Variants in CDK12 observed in about 807,000 individuals in gnomAD.
The protein encoded by CDK12 is cyclin dependent kinase 12, also known as cyclin-dependent kinase 12.
CDK12 carries 17 observed loss-of-function variants against 133.8 expected under a neutral mutation model. That is an observed-to-expected ratio of 0.13 (90% CI 0.09 to 0.19). The LOEUF (loss-of-function observed/expected upper bound fraction) is 0.19, where lower values mean the gene tolerates loss of function less well. Among genes scored for constraint, CDK12 ranks in the 10% least tolerant of loss-of-function variants. The pLI, the probability that CDK12 is intolerant of heterozygous loss-of-function variation, is 1.00. For synonymous variants in CDK12, 694 were observed against 683.6 expected, an observed-to-expected ratio of 1.02 and a Z score of -0.24; for missense variants, 1,508 against 1,818.7, an observed-to-expected ratio of 0.83 and a Z score of 3.11.
upstream of CDK12, chr17:39,547,649 G>C (rs2055778597): frequency 6.6e-6 from 1 of 152,378 alleles, no homozygotes; most frequent in South Asian, 2.1e-4. Flanking sequence ...TTACTGTCTT[G>C]AGCTCAGGTG....
At chr17:39,564,059 T>C (rs573856997) in intron 3 of CDK12, among the ~76,000 whole-genome samples, 3 of 152,324 alleles carry the variant, frequency 2.0e-5, no homozygotes, top group East Asian at 3.9e-4. Context: ...GTACTCGCCC[T>C]TTAGAAAGCA....
intron 3 of CDK12, among the ~76,000 whole-genome samples, chr17:39,562,843 A>C (rs1470540152): frequency 1.8e-5 from 2 of 108,586 alleles, no homozygotes; most frequent in Non-Finnish European, 3.9e-5. Context: ...TTCCTCTCTC[A>C]TTTTTTTCCT....
chr17:39,515,858 A>C, intron 9 of CDK12, 50 bp downstream of exon 9: 33 of 1,191,288 alleles, frequency 2.8e-5, no homozygotes, highest in Non-Finnish European at 3.7e-5. Context: ...AGGTATTCTC[A>C]TCCTCCAGTT....
intron 11 of CDK12, among the ~76,000 whole-genome samples, chr17:39,520,820 C>G (rs2054118252): frequency 1.3e-5 from 2 of 151,942 alleles, no homozygotes; most frequent in Non-Finnish European, 2.9e-5. Flanking sequence ...GCCACCACAC[C>G]CGGCTAATTT....
rs1056634781 is a variant in CDK12 at position 39,476,726 on chromosome 17, T to A, written c.1931+4963T>A. Among the ~76,000 whole-genome samples the A allele has an allele frequency of 5.2e-5, 6 of 116,026 alleles. 1 individual carries two copies. Among genetic ancestry groups the A allele is most frequent in the African/African-American group, 3.4e-5 (1 of 29,498 alleles). The allele number at this position is 116,026 out of a possible 152,430, so 76.1% of individuals were successfully genotyped here. On this transcript the variant is annotated intron_variant, in intron 2 of 13. Coordinates refer to ENST00000447079, the MANE Select transcript of CDK12 (RefSeq NM_016507.4). ...CCATGCCTGCCTTTTTTTTTTTTTT[T>A]TTTTTTTTTTTTTTGAGACAGAGTT...
At chr17:39,482,331 G>T (rs922337447) in intron 2 of CDK12, among the ~76,000 whole-genome samples, 7 of 151,932 alleles carry the variant, frequency 4.6e-5, no homozygotes, top group Admixed American at 2.6e-4. Flanking sequence ...TTTTCTAATA[G>T]CCTTGTTCAT....
intron 13 of CDK12, chr17:39,530,094 ATATT>A (rs1394971745): frequency 6.5e-6 from 1 of 153,492 alleles, no homozygotes; most frequent in Non-Finnish European, 1.4e-5. Context: ...TCTCTCCTAT[ATATT>A]CTTTAAGTTT....
chr17:39,564,247 G>A (rs1281173294), intron 3 of CDK12, among the ~76,000 whole-genome samples: 1 of 152,138 alleles, frequency 6.6e-6, no homozygotes, highest in Non-Finnish European at 1.5e-5. Flanking sequence ...CTTTCTATGG[G>A]CTCTCTCCCT....
chr17:39,518,484 G>T (rs1040333870), intron 10 of CDK12, among the ~76,000 whole-genome samples: 2 of 151,954 alleles, frequency 1.3e-5, no homozygotes, highest in Non-Finnish European at 2.9e-5. Context: ...GTGCTACCAC[G>T]CCTGGCCATG....
Position 39,524,597 on chromosome 17 carries a change from A to G in CDK12, c.3096-77A>G, listed in dbSNP as rs1328986776. On this transcript the variant is annotated intron_variant, in intron 11 of 13. Transcript: ENST00000447079. ...CATTTCCCACAGTCTTTGCCTTCCC[A>G]TTTTAATCCTTTGCTCCTCCATTCA... The G allele has an allele frequency of 3.1e-6, 4 of 1,286,240 alleles. No individual in the cohort carries two copies. The African/African-American group carries it at 4.4e-5, about 14-fold the overall frequency. The allele number at this position is 1,286,240 out of a possible 1,614,324, so 79.7% of individuals were successfully genotyped here.
chr17:39,484,837 G>A (rs2050984573), intron 2 of CDK12, among the ~76,000 whole-genome samples: 1 of 152,050 alleles, frequency 6.6e-6, no homozygotes, highest in African/African-American at 2.4e-5. Flanking sequence ...TGCTCATCCA[G>A]TATAATGCAA....
intron 11 of CDK12, among the ~76,000 whole-genome samples, chr17:39,524,385 G>A (rs944316136): frequency 6.6e-5 from 10 of 152,154 alleles, no homozygotes; most frequent in Non-Finnish European, 1.3e-4. Context: ...TTATGCCAAG[G>A]AAAGACAGTA....
chr17:39,542,159 A>G (rs72827124), intron 1 of CDK12, among the ~76,000 whole-genome samples: 30 of 89,974 alleles, frequency 3.3e-4, no homozygotes, highest in East Asian at 1.5e-3. Flanking sequence ...ACATATATAT[A>G]TGTGTGTGTG....
rs1428913902 is a variant in CDK12 at position 39,461,732 on chromosome 17, G to A, written c.-340G>A. 1 of 365,188 alleles carries A rather than the reference G, an allele frequency of 2.7e-6. No homozygotes were observed. The highest frequency in any genetic ancestry group is 4.3e-5 in the East Asian group (1 of 23,270). The allele number at this position is 365,188 out of a possible 1,614,324, so 22.6% of individuals were successfully genotyped here. On this transcript the variant is annotated 5_prime_UTR_variant, in exon 1 of 14. Transcript: ENST00000447079. ...AGCTGGAGTCGGCTCCACAGCCCCG[G>A]GCCGTCGGCTTCTCACTTCCTGGAC... is the stretch of plus-strand genomic sequence containing the variant.
rs778313862 is a variant in CDK12, at chr17:39,462,470, C to T, written c.399C>T (p.Ser133=). The change falls in exon 1 of 14, where the codon AGC becomes AGT. Residue 133 remains serine (S), a synonymous_variant. Transcript: ENST00000447079. ...CTAAACAGACCGAAAAAGAAAAAAG[C>T]CAAGAAGTCTCCAGCAAGTCGGGAT... ...LKAKQTEKEK[S]QEVSSKSGSM... 6 of 1,614,078 alleles carry T rather than the reference C, an allele frequency of 3.7e-6. No individual in the cohort carries two copies. The Admixed American group carries it at 6.7e-5, about 18-fold the overall frequency.
intron 9 of CDK12, among the ~76,000 whole-genome samples, chr17:39,517,106 T>C (rs2053862268): frequency 6.6e-6 from 1 of 152,222 alleles, no homozygotes; most frequent in African/African-American, 2.4e-5. Context: ...AGGATCATCT[T>C]AGCCCTTTGT....
upstream of CDK12, among the ~76,000 whole-genome samples, chr17:39,545,586 C>T (rs1346762663): frequency 6.6e-6 from 1 of 150,398 alleles, no homozygotes; most frequent in East Asian, 1.9e-4. Flanking sequence ...GCAGCCTCTG[C>T]CTCCCAGGTT....
In CDK12 at chr17:39,500,322, C is replaced by T. The variant is rs116991647; in HGVS notation, c.2420-928C>T. ...CTCCATCCTGGGCAACAGAATGAGACGCTGTCTCAAAAAAAAAAAGAAGAA... is the reference window on the plus strand; with the variant it reads ...CTCCATCCTGGGCAACAGAATGAGATGCTGTCTCAAAAAAAAAAAGAAGAA... On this transcript the variant is annotated intron_variant, in intron 5 of 13. Transcript: ENST00000447079. 2.3e-3 allele frequency among the ~76,000 whole-genome samples: 338 copies of T among 149,480 alleles called. 2 individuals are homozygous for T. The highest frequency in any genetic ancestry group is 4.1e-3 in the Non-Finnish European group (275 of 67,314).
At chr17:39,468,887 A>G (rs977351640) in intron 1 of CDK12, among the ~76,000 whole-genome samples, 1 of 151,920 alleles carries the variant, frequency 6.6e-6, no homozygotes, top group Non-Finnish European at 1.5e-5. Context: ...ATCTCTGCTC[A>G]CTGCAACCTT....
Sources: gnomAD v4.1 joint callset for allele counts (sites outside exome capture counted in the v4.1 genomes callset) on GRCh38, gnomAD v4.1.1 for gene constraint, MANE v1.5 for transcripts, NCBI Gene and HGNC (gene_info 2026-07-23, HGNC 2026-07-21) for gene names.